The following FRS2 variants were observed in gnomAD, a reference collection of about 807,000 sequenced individuals.
FRS2 encodes FGFR signalling adaptor.
A neutral mutation model predicts 43.9 loss-of-function variants in FRS2; 8 were observed. The ratio of observed to expected loss-of-function variants is 0.18; its 90% CI spans 0.11 to 0.33. The LOEUF is 0.33. Ranked by LOEUF, FRS2 falls within the 10% of genes least tolerant of loss-of-function variation. The probability of loss-of-function intolerance (pLI) is 1.00; values close to 1 mark genes in which losing one functional copy is unlikely to be tolerated. For synonymous variants in FRS2, 219 were observed against 220.3 expected, an observed-to-expected ratio of 0.99 and a Z score of 0.05; for missense variants, 534 against 627.6, an observed-to-expected ratio of 0.85 and a Z score of 1.59.
At chr12:69,571,707 CA>C (rs1880775080) in intron 7 of FRS2, among the ~76,000 whole-genome samples, 1 of 151,698 alleles carries the variant, frequency 6.6e-6, no homozygotes, top group Admixed American at 6.6e-5. Flanking sequence ...TAAAAAAATA[CA>C]AAAAAATTAG....
chr12:69,544,011 CA>C (rs1878144240), intron 3 of FRS2, among the ~76,000 whole-genome samples: 1 of 112,028 alleles, frequency 8.9e-6, no homozygotes, highest in African/African-American at 3.5e-5. Flanking sequence ...TTGAAGTGGA[CA>C]AAAAATGACA....
intron 1 of FRS2, among the ~76,000 whole-genome samples, chr12:69,498,072 CA>C (rs1873076730): frequency 6.6e-6 from 1 of 151,836 alleles, no homozygotes; most frequent in African/African-American, 2.4e-5. Context: ...TATTTTCTCT[CA>C]TTTTTTTATG....
chr12:69,553,162 C>G (rs576903026), intron 3 of FRS2, among the ~76,000 whole-genome samples: 1 of 152,244 alleles, frequency 6.6e-6, no homozygotes, highest in South Asian at 2.1e-4. Context: ...ACCTCCGCCT[C>G]CCAGGTACAC....
At chr12:69,514,023 T>C (rs1470003740) in intron 1 of FRS2, among the ~76,000 whole-genome samples, 1 of 152,204 alleles carries the variant, frequency 6.6e-6, no homozygotes, top group African/African-American at 2.4e-5. Flanking sequence ...ACAATACTTT[T>C]TGAGTTTCTT....
chr12:69,489,972 G>A, intron 1 of FRS2, among the ~76,000 whole-genome samples: 1 of 151,014 alleles, frequency 6.6e-6, no homozygotes, highest in East Asian at 1.9e-4. Context: ...ACAAACCTTT[G>A]AGCTATATAG....
intron 1 of FRS2, among the ~76,000 whole-genome samples, chr12:69,488,563 T>C (rs1486891087): frequency 6.6e-6 from 1 of 152,218 alleles, no homozygotes. Context: ...AAATTTGCTT[T>C]ATTGCTGTGG....
intron 1 of FRS2, among the ~76,000 whole-genome samples, chr12:69,502,622 G>A (rs1452605055): frequency 1.3e-5 from 2 of 152,050 alleles, no homozygotes; most frequent in Non-Finnish European, 2.9e-5. Flanking sequence ...TCAGTATTCC[G>A]CAGAGAACAG....
At chr12:69,495,143 G>A (rs1029704729) in intron 1 of FRS2, among the ~76,000 whole-genome samples, 5 of 152,286 alleles carry the variant, frequency 3.3e-5, no homozygotes, top group South Asian at 2.1e-4. Flanking sequence ...TAAAAGTTTC[G>A]TGGGAGCTGA....
At chr12:69,542,974 T>C (rs1878052013) in intron 3 of FRS2, among the ~76,000 whole-genome samples, 2 of 152,208 alleles carry the variant, frequency 1.3e-5, no homozygotes, top group South Asian at 4.1e-4. Context: ...CTTCAGGAGT[T>C]ACATCTGCTA....
chr12:69,549,931 C>T (rs981309688), intron 3 of FRS2, among the ~76,000 whole-genome samples: 1 of 152,106 alleles, frequency 6.6e-6, no homozygotes, highest in African/African-American at 2.4e-5. Flanking sequence ...TTCACAATTC[C>T]TTTAGATGTT....
At chr12:69,472,530 T>C (rs1870404567) in intron 1 of FRS2, among the ~76,000 whole-genome samples, 1 of 152,208 alleles carries the variant, frequency 6.6e-6, no homozygotes, top group Admixed American at 6.5e-5. Flanking sequence ...TAGTTACAGA[T>C]TTGCAGGTAT....
chr12:69,573,383 A>G lies in FRS2; in HGVS notation c.577-622A>G, dbSNP rs189710065. On this transcript the variant is annotated intron_variant, in intron 8 of 8. Transcript: ENST00000549921. The stretch of plus-strand genomic sequence containing the variant: ...GAACCTCTAAAACAGCAGCAAAATG[A>G]TAATCCCTATTTTGTTCCTGATTTT... Among the ~76,000 whole-genome samples the G allele has an allele frequency of 1.2e-3, 177 of 152,302 alleles. 3 individuals are homozygous for G. The highest frequency in any genetic ancestry group is 5.3e-3 in the Admixed American group (81 of 15,304).
chr12:69,480,921 C>G (rs779058010), intron 1 of FRS2, among the ~76,000 whole-genome samples: 1 of 152,020 alleles, frequency 6.6e-6, no homozygotes, highest in African/African-American at 2.4e-5. Context: ...GTGAAGTTCT[C>G]GTAACTTTAT....
At chr12:69,480,749 C>T (rs1052902095) in intron 1 of FRS2, among the ~76,000 whole-genome samples, 2 of 152,104 alleles carry the variant, frequency 1.3e-5, no homozygotes, top group Admixed American at 6.5e-5. Flanking sequence ...TGGTTATGTT[C>T]TCAATATTTC....
chr12:69,507,041 A>G (rs950004292), intron 1 of FRS2, among the ~76,000 whole-genome samples: 2 of 152,234 alleles, frequency 1.3e-5, no homozygotes, highest in African/African-American at 4.8e-5. Context: ...CCACCAGCCA[A>G]GAAGGCTCTC....
rs1003640104 is a variant in FRS2 at position 69,529,946 on chromosome 12, A to G, written c.-260-919A>G. ...GTGGTAGAGCACGCCTGTAGTCCCA[A>G]CTGCTAGGCAGGCAGTTGGATTGTT... On this transcript the variant is annotated intron_variant, in intron 1 of 8. Transcript: ENST00000549921. Among the ~76,000 whole-genome samples the G allele has an allele frequency of 4.0e-5, 6 of 151,744 alleles. No individual in the cohort carries two copies. The South Asian group carries it at 1.0e-3, about 26-fold the overall frequency.
chr12:69,541,583 T>C (rs1877904637), intron 3 of FRS2, among the ~76,000 whole-genome samples: 1 of 152,078 alleles, frequency 6.6e-6, no homozygotes, highest in South Asian at 2.1e-4. Context: ...CCTAGTACTT[T>C]AGGAAGCTGA....
intron 1 of FRS2, among the ~76,000 whole-genome samples, chr12:69,476,182 G>A (rs1238489705): frequency 6.6e-6 from 1 of 152,190 alleles, no homozygotes; most frequent in African/African-American, 2.4e-5. Flanking sequence ...CCTTGTGTTA[G>A]CCTACAGAGG....
At chr12:69,476,758 G>T (rs1290421572) in intron 1 of FRS2, among the ~76,000 whole-genome samples, 1 of 149,472 alleles carries the variant, frequency 6.7e-6, no homozygotes, top group African/African-American at 2.5e-5. Context: ...AGGGACGGGG[G>T]GGGGTGTGGG....
Sources: allele counts gnomAD v4.1 joint callset (sites outside exome capture counted in the v4.1 genomes callset), GRCh38; gene constraint gnomAD v4.1.1; transcripts MANE v1.5; gene names NCBI Gene and HGNC (gene_info 2026-07-23, HGNC 2026-07-21).